GAB2: variants seen among roughly 807,000 people sequenced by gnomAD.
GAB2 encodes the protein GRB2 associated binding protein 2.
In GAB2, 26 loss-of-function variants were observed where a neutral mutation model predicts 65.5. That is an observed-to-expected ratio of 0.40 (90% confidence interval 0.29 to 0.55). GAB2 has a LOEUF of 0.55. GAB2 is among the 20% of genes least tolerant of loss of function. GAB2 has a pLI of 0.53. For missense variants in GAB2, 884 were observed against 875.8 expected, an observed-to-expected ratio of 1.01 and a Z score of -0.12; for synonymous variants, 321 against 329.6, an observed-to-expected ratio of 0.97 and a Z score of 0.28.
intron 3 of GAB2, among the ~76,000 whole-genome samples, chr11:78,227,631 CAAAA>C (rs55716895): frequency 8.5e-5 from 9 of 106,098 alleles, no homozygotes; most frequent in Admixed American, 3.1e-4. Flanking sequence ...CCATTGCCAC[CAAAA>C]AAAAAAAAAA....
intron 1 of GAB2, among the ~76,000 whole-genome samples, chr11:78,383,938 G>A (rs887931759): frequency 5.9e-5 from 9 of 152,276 alleles, no homozygotes; most frequent in South Asian, 2.1e-4. Context: ...TGGCTTTCCT[G>A]ACATTGCTTT....
chr11:78,238,500 T>C (rs1233473377), intron 3 of GAB2, among the ~76,000 whole-genome samples: 2 of 125,782 alleles, frequency 1.6e-5, no homozygotes, highest in African/African-American at 6.1e-5. Flanking sequence ...AAAAAAAAAG[T>C]CGAAGAAATA....
At chr11:78,301,467 T>C (rs1172479301) in intron 1 of GAB2, among the ~76,000 whole-genome samples, 1 of 151,950 alleles carries the variant, frequency 6.6e-6, no homozygotes, top group East Asian at 1.9e-4. Context: ...GCAGCTGGGA[T>C]TACAGGCACC....
At chr11:78,237,839 A>G (rs1470530219) in intron 3 of GAB2, among the ~76,000 whole-genome samples, 1 of 152,242 alleles carries the variant, frequency 6.6e-6, no homozygotes, top group Non-Finnish European at 1.5e-5. Context: ...ATGGAATACT[A>G]TGCAGCCATA....
intron 6 of GAB2, among the ~76,000 whole-genome samples, chr11:78,222,793 G>C (rs1463390922): frequency 6.6e-6 from 1 of 152,056 alleles, no homozygotes; most frequent in Non-Finnish European, 1.5e-5. Flanking sequence ...ATTTTGGCCA[G>C]GCTGGTCTCG....
intron 3 of GAB2, among the ~76,000 whole-genome samples, chr11:78,229,750 T>C (rs1864785373): frequency 6.6e-6 from 1 of 152,210 alleles, no homozygotes; most frequent in Non-Finnish European, 1.5e-5. Flanking sequence ...CCTTTTCCAC[T>C]CTAGGATCCA....
At chr11:78,286,082 ATTTATTCAGTGCT>A (rs1170377783) in intron 1 of GAB2, among the ~76,000 whole-genome samples, 1 of 152,142 alleles carries the variant, frequency 6.6e-6, no homozygotes, top group Non-Finnish European at 1.5e-5. Flanking sequence ...TCCAACAAAT[ATTTATTCAGTGCT>A]TACTATGCTC....
chr11:78,340,730 C>A (rs1856078479), intron 1 of GAB2, among the ~76,000 whole-genome samples: 1 of 152,060 alleles, frequency 6.6e-6, no homozygotes, highest in Non-Finnish European at 1.5e-5. Context: ...CAGATACCAC[C>A]ATGATAAGTA....
chr11:78,350,593 A>ACTT (rs1385798182), intron 1 of GAB2, among the ~76,000 whole-genome samples: 1 of 152,226 alleles, frequency 6.6e-6, no homozygotes, highest in African/African-American at 2.4e-5. Context: ...CCAAATAAAA[A>ACTT]CTTCTAAAAA....
chr11:78,344,955 T>G (rs543957100), intron 1 of GAB2, among the ~76,000 whole-genome samples: 1 of 152,336 alleles, frequency 6.6e-6, no homozygotes, highest in South Asian at 2.1e-4. Flanking sequence ...ATAATAAGCA[T>G]TGTTAAGCTT....
rs1306936727 is a variant in GAB2 at position 78,349,939 on chromosome 11, G to GA, written c.75+67706dup. 1.3e-3 allele frequency among the ~76,000 whole-genome samples: 190 copies of GA among 146,488 alleles called. 1 individual carries two copies. The highest frequency in any genetic ancestry group is 4.1e-3 in the African/African-American group (165 of 39,892). ...GACAGAGGTAAAAAAAAGAAAAAAA[G>GA]AAAAAAAAAAGAAAGACAATCAAGA... On this transcript the variant is annotated intron_variant, in intron 1 of 9. Transcript: ENST00000361507.
chr11:78,250,545 T>C (rs1474180699), intron 2 of GAB2, 145 bp from the exon 3 acceptor site: 6 of 718,358 alleles, frequency 8.4e-6, no homozygotes, highest in Non-Finnish European at 1.4e-5. Flanking sequence ...ACCTGCCCCT[T>C]GCTGCCCTCC....
At chr11:78,224,479 A>G (rs1864562538) in intron 5 of GAB2, among the ~76,000 whole-genome samples, 1 of 152,224 alleles carries the variant, frequency 6.6e-6, no homozygotes, top group Admixed American at 6.5e-5. Flanking sequence ...GGGACCACCA[A>G]GCTGCAGTCA....
At chr11:78,382,412 T>G (rs1394017588) in intron 1 of GAB2, among the ~76,000 whole-genome samples, 1 of 151,598 alleles carries the variant, frequency 6.6e-6, no homozygotes, top group Non-Finnish European at 1.5e-5. Flanking sequence ...AGAGTCTCGC[T>G]CTGTCGCCCA....
At chr11:78,276,544 G>A (rs1866176256) in intron 2 of GAB2, among the ~76,000 whole-genome samples, 5 of 152,102 alleles carry the variant, frequency 3.3e-5, no homozygotes, top group Admixed American at 3.3e-4. Flanking sequence ...CTATCTGGTT[G>A]CATGCCTGTC....
intron 1 of GAB2, among the ~76,000 whole-genome samples, chr11:78,309,971 T>TGCGTGTGTGTGTGTGTGTGCGCGC (rs1855460158): frequency 8.3e-6 from 1 of 120,090 alleles, no homozygotes; most frequent in African/African-American, 3.6e-5. Context: ...TGTGTGTGTG[T>TGCGTGTGTGTGTGTGTGTGCGCGC]GCGCGCGCGC....
At chr11:78,410,493 C>T (rs906919181) in intron 1 of GAB2, among the ~76,000 whole-genome samples, 2 of 152,126 alleles carry the variant, frequency 1.3e-5, no homozygotes, top group Non-Finnish European at 2.9e-5. Context: ...GACAGAGTGA[C>T]ATGCTGTCTC....
intron 1 of GAB2, among the ~76,000 whole-genome samples, chr11:78,290,090 C>A (rs963748781): frequency 6.6e-6 from 1 of 151,478 alleles, no homozygotes; most frequent in Non-Finnish European, 1.5e-5. Flanking sequence ...TGGCAAAGTG[C>A]GGGAGACAAA....
intron 1 of GAB2, among the ~76,000 whole-genome samples, chr11:78,394,015 G>A (rs1352009734): frequency 2.0e-5 from 3 of 152,240 alleles, no homozygotes; most frequent in East Asian, 3.8e-4. Context: ...TGGGCCAGGC[G>A]TGGTGGCTCA....
Sources: gnomAD v4.1 joint callset for allele counts (sites outside exome capture counted in the v4.1 genomes callset) on GRCh38, gnomAD v4.1.1 for gene constraint, MANE v1.5 for transcripts, NCBI Gene and HGNC (gene_info 2026-07-23, HGNC 2026-07-21) for gene names.